NAALADL2: variants seen among roughly 807,000 people sequenced by gnomAD.
NAALADL2 encodes N-acetylated alpha-linked acidic dipeptidase like 2.
A neutral mutation model predicts 87.2 loss-of-function variants in NAALADL2; 76 were observed. The ratio of observed to expected loss-of-function variants is 0.87; its 90% confidence interval spans 0.72 to 1.05. The LOEUF (loss-of-function observed/expected upper bound fraction) is 1.05, where lower values mean the gene tolerates loss of function less well. NAALADL2 is among the 50% of genes least tolerant of loss of function. The pLI is 0.00. For synonymous variants in NAALADL2, 354 were observed against 331.0 expected (o/e 1.07, Z -0.75); for missense variants, 1,089 against 945.8 (o/e 1.15, Z -1.99).
At chr3:174,505,232 A>G (rs1270873914) in intron 1 of NAALADL2, among the ~76,000 whole-genome samples, 1 of 152,142 alleles carries the variant, frequency 6.6e-6, no homozygotes, top group African/African-American at 2.4e-5. Context: ...AGTTTCATCC[A>G]GGTGCAAAAA....
Position 175,719,723 on chromosome 3 carries a change from C to T in NAALADL2, c.1897-17583C>T, listed in dbSNP as rs999220651. Among the ~76,000 whole-genome samples, 4 of 152,150 alleles carry T rather than the reference C, an allele frequency of 2.6e-5. No homozygotes were observed. The East Asian group carries it at 7.7e-4, about 29-fold the overall frequency. On this transcript the variant is annotated intron_variant, in intron 11 of 13. Coordinates refer to ENST00000454872, the MANE Select transcript of NAALADL2 (RefSeq NM_207015.3). ...CCAGTCTCACTTGGAAATATACTGCCTCTTAGCTCATTCAGGCTGCTGTAC... is the reference window on the plus strand; with the variant it reads ...CCAGTCTCACTTGGAAATATACTGCTTCTTAGCTCATTCAGGCTGCTGTAC...
intron 2 of NAALADL2, among the ~76,000 whole-genome samples, chr3:174,635,691 C>CGG (rs1317218552): frequency 6.6e-6 from 1 of 151,886 alleles, no homozygotes; most frequent in Non-Finnish European, 1.5e-5. Flanking sequence ...TTAGTAGAGA[C>CGG]GGGGTTTCAC....
chr3:175,212,880 C>A (rs1220416767), intron 2 of NAALADL2, among the ~76,000 whole-genome samples: 1 of 152,054 alleles, frequency 6.6e-6, no homozygotes, highest in Non-Finnish European at 1.5e-5. Context: ...GAGCCAGATG[C>A]CAAGTTATTT....
intron 11 of NAALADL2, among the ~76,000 whole-genome samples, chr3:175,643,785 C>T (rs994836799): frequency 1.3e-5 from 2 of 152,110 alleles, no homozygotes; most frequent in Non-Finnish European, 1.5e-5. Flanking sequence ...CAAACAGTGA[C>T]GTTATTTATC....
chr3:175,136,978 A>G (rs944946385), intron 2 of NAALADL2, among the ~76,000 whole-genome samples: 13 of 152,222 alleles, frequency 8.5e-5, no homozygotes, highest in African/African-American at 3.1e-4. Context: ...CTTCTGTGTT[A>G]TAGAATTCCC....
intron 1 of NAALADL2, among the ~76,000 whole-genome samples, chr3:175,095,329 GT>G (rs1720962572): frequency 6.8e-6 from 1 of 146,488 alleles, no homozygotes; most frequent in African/African-American, 2.7e-5. Flanking sequence ...TGACTTTTTT[GT>G]TTGTTTGTCC....
rs148949654 is a variant in NAALADL2 at position 175,681,916 on chromosome 3, C to G, written c.1896+54530C>G. 1.2e-4 allele frequency among the ~76,000 whole-genome samples: 18 copies of G among 152,250 alleles called. No homozygotes were observed. The East Asian group carries it at 3.3e-3, about 28-fold the overall frequency. ...AATCAGTATCAATTTCTACCTGTAA[C>G]TATAGTCTAAATAATAAACTGTAAA... On this transcript the variant is annotated intron_variant, in intron 11 of 13. Coordinates refer to ENST00000454872, the MANE Select transcript of NAALADL2 (RefSeq NM_207015.3).
chr3:175,462,525 TA>T (rs1723301210), intron 6 of NAALADL2, among the ~76,000 whole-genome samples: 1 of 152,234 alleles, frequency 6.6e-6, no homozygotes, highest in South Asian at 2.1e-4. Flanking sequence ...CCTGCCAGTA[TA>T]ATGTGGCTAC....
chr3:175,283,360 A>C (rs1754563976), intron 4 of NAALADL2, among the ~76,000 whole-genome samples: 1 of 151,976 alleles, frequency 6.6e-6, no homozygotes, highest in African/African-American at 2.4e-5. Context: ...GTTACCCTTT[A>C]GACTACCTAA....
chr3:174,445,744 T>C (rs78232710), intron 1 of NAALADL2, among the ~76,000 whole-genome samples: 17,442 of 152,126 alleles, frequency 0.11, 1,746 homozygotes, highest in East Asian at 0.43. Context: ...GTAAAATATA[T>C]GACCTTATGT....
intron 2 of NAALADL2, 68 bp from the exon 3 acceptor site, chr3:175,233,863 G>T (rs975172263): frequency 1.2e-6 from 1 of 809,196 alleles, no homozygotes; most frequent in African/African-American, 1.7e-5. Context: ...CATATATTGA[G>T]CAGTCATATC....
At chr3:175,678,811 C>T (rs924537208) in intron 11 of NAALADL2, among the ~76,000 whole-genome samples, 1 of 152,092 alleles carries the variant, frequency 6.6e-6, no homozygotes, top group Non-Finnish European at 1.5e-5. Flanking sequence ...CAACATGGCA[C>T]ATGTATACAT....
At chr3:175,579,108 G>T (rs1719359913) in intron 10 of NAALADL2, among the ~76,000 whole-genome samples, 1 of 152,114 alleles carries the variant, frequency 6.6e-6, no homozygotes, top group South Asian at 2.1e-4. Context: ...TTTTCTAAGA[G>T]AGTTAATTTT....
intron 3 of NAALADL2, among the ~76,000 whole-genome samples, chr3:175,243,238 C>A (rs1372100360): frequency 6.6e-6 from 1 of 150,678 alleles, no homozygotes; most frequent in Non-Finnish European, 1.5e-5. Flanking sequence ...GCTTTAACCC[C>A]TATCTCTAAT....
At chr3:175,285,907 T>C (rs1754914125) in intron 4 of NAALADL2, among the ~76,000 whole-genome samples, 1 of 152,192 alleles carries the variant, frequency 6.6e-6, no homozygotes, top group Non-Finnish European at 1.5e-5. Context: ...ATAAGTGCTA[T>C]GTATTCATAA....
chr3:175,093,262 G>A (rs917623978), intron 1 of NAALADL2, among the ~76,000 whole-genome samples: 11 of 151,430 alleles, frequency 7.3e-5, no homozygotes, highest in African/African-American at 1.2e-4. Flanking sequence ...AAAAAGAAAC[G>A]TGATATGTTT....
intron 9 of NAALADL2, among the ~76,000 whole-genome samples, chr3:175,509,288 A>C (rs1730802297): frequency 6.6e-6 from 1 of 152,144 alleles, no homozygotes; most frequent in Admixed American, 6.5e-5. Flanking sequence ...GCCCCACAAG[A>C]CCTGGTCCTA....
At chr3:175,441,207 A>G (rs958127629) in intron 5 of NAALADL2, among the ~76,000 whole-genome samples, 1 of 152,184 alleles carries the variant, frequency 6.6e-6, no homozygotes, top group Non-Finnish European at 1.5e-5. Flanking sequence ...AAAATCCCAC[A>G]AAGTTCCAAA....
At chr3:175,232,990 G>T (rs1372104376) in intron 2 of NAALADL2, among the ~76,000 whole-genome samples, 4 of 152,036 alleles carry the variant, frequency 2.6e-5, no homozygotes, top group Non-Finnish European at 4.4e-5. Context: ...TAACAGATTT[G>T]TCTGGCTTCT....
Sources: gnomAD v4.1 joint callset for allele counts (sites outside exome capture counted in the v4.1 genomes callset) on GRCh38, gnomAD v4.1.1 for gene constraint, MANE v1.5 for transcripts, NCBI Gene and HGNC (gene_info 2026-07-23, HGNC 2026-07-21) for gene names.